RAPGEF6: variants seen among roughly 807,000 people sequenced by gnomAD.
The protein encoded by RAPGEF6 is Rap guanine nucleotide exchange factor 6, also known as PDZ domain containing guanine nucleotide exchange factor (GEF) 2.
A neutral mutation model predicts 171.4 loss-of-function variants in RAPGEF6; 56 were observed. That is an observed-to-expected ratio of 0.33 (90% CI 0.26 to 0.41). The LOEUF (loss-of-function observed/expected upper bound fraction) is 0.41, where lower values mean the gene tolerates loss of function less well. RAPGEF6 is among the 10% of genes least tolerant of loss of function. The pLI, the probability that RAPGEF6 is intolerant of heterozygous loss-of-function variation, is 1.00. For synonymous variants in RAPGEF6, 692 were observed against 650.1 expected, an observed-to-expected ratio of 1.06 and a Z score of -0.98; for missense variants, 1,674 against 1,921.4, an observed-to-expected ratio of 0.87 and a Z score of 2.41.
At chr5:131,617,279 T>TA (rs1213669727) in intron 1 of RAPGEF6, among the ~76,000 whole-genome samples, 5 of 123,422 alleles carry the variant, frequency 4.1e-5, no homozygotes, top group Non-Finnish European at 8.9e-5. Flanking sequence ...ACTTGGTCTC[T>TA]AAAAAAACAG....
chr5:131,620,582 C>CT (rs367997318), intron 1 of RAPGEF6, among the ~76,000 whole-genome samples: 2,831 of 149,170 alleles, frequency 0.019, 85 homozygotes, highest in African/African-American at 0.065. Context: ...AAAATCCATT[C>CT]TTTTTTTTTT....
intron 23 of RAPGEF6, among the ~76,000 whole-genome samples, chr5:131,441,369 T>G (rs1371648430): frequency 1.3e-5 from 2 of 152,242 alleles, no homozygotes; most frequent in East Asian, 3.8e-4. Flanking sequence ...CTGTCAACAC[T>G]GCATGCAATT....
intron 21 of RAPGEF6, chr5:131,447,153 G>T (rs1752773426): frequency 6.3e-6 from 1 of 158,442 alleles, no homozygotes; most frequent in Admixed American, 6.0e-5. Flanking sequence ...CTTTGGACAT[G>T]CTATTGCCAC....
At chr5:131,599,825 T>C (rs190092241) in intron 3 of RAPGEF6, among the ~76,000 whole-genome samples, 61 of 152,312 alleles carry the variant, frequency 4.0e-4, no homozygotes, top group Middle Eastern at 3.4e-3. Context: ...ACCAGGACCA[T>C]GAATATTTTC....
At chr5:131,532,992 T>G (rs1421149747) in intron 6 of RAPGEF6, 1 of 152,554 alleles carries the variant, frequency 6.6e-6, no homozygotes, top group Non-Finnish European at 1.5e-5. Flanking sequence ...AAGGAGAAGC[T>G]CCTATTGATT....
At chr5:131,491,583 CA>C (rs1756286989) in intron 14 of RAPGEF6, among the ~76,000 whole-genome samples, 1 of 152,192 alleles carries the variant, frequency 6.6e-6, no homozygotes, top group Non-Finnish European at 1.5e-5. Flanking sequence ...CTGGGCCACA[CA>C]GCAGGAGGTG....
intron 15 of RAPGEF6, among the ~76,000 whole-genome samples, chr5:131,487,639 A>C (rs990303274): frequency 6.6e-6 from 1 of 152,174 alleles, no homozygotes; most frequent in Non-Finnish European, 1.5e-5. Flanking sequence ...GTGTTTTTAC[A>C]GAGTGCTGAT....
intron 1 of RAPGEF6, among the ~76,000 whole-genome samples, chr5:131,615,618 C>T (rs544913287): frequency 2.0e-5 from 3 of 152,144 alleles, no homozygotes; most frequent in South Asian, 4.1e-4. Context: ...AGAGGGAAGT[C>T]GGCTGGGTAC....
At chr5:131,631,070 G>A (rs1488951046) in intron 1 of RAPGEF6, among the ~76,000 whole-genome samples, 1 of 152,034 alleles carries the variant, frequency 6.6e-6, no homozygotes, top group Non-Finnish European at 1.5e-5. Flanking sequence ...ACCTTATACT[G>A]ATCTCATGTC....
In RAPGEF6 at chr5:131,612,540, G is replaced by A. The variant is rs114874437; in HGVS notation, c.70-7847C>T. ...CAAGGAATGTCTGTACTACAAACAC[G>A]GCTGCCTGGGCCCCAACCACTGAGT... On this transcript the variant is annotated intron_variant, in intron 1 of 27. Coordinates refer to ENST00000509018, the MANE Select transcript of RAPGEF6 (RefSeq NM_016340.6). Among the ~76,000 whole-genome samples the A allele has an allele frequency of 7.2e-3, 1,095 of 152,140 alleles. 7 individuals carry two copies. Among genetic ancestry groups the A allele is most frequent in the African/African-American group, 0.024 (1,016 of 41,490 alleles).
At chr5:131,554,820 G>A (rs1272360721) in intron 5 of RAPGEF6, among the ~76,000 whole-genome samples, 1 of 151,942 alleles carries the variant, frequency 6.6e-6, no homozygotes, top group Non-Finnish European at 1.5e-5. Context: ...CCTGGCCTAA[G>A]TAGGAATTTA....
intron 6 of RAPGEF6, among the ~76,000 whole-genome samples, chr5:131,546,579 G>A (rs1316590037): frequency 6.6e-6 from 1 of 151,718 alleles, no homozygotes; most frequent in Non-Finnish European, 1.5e-5. Flanking sequence ...ACTCCAGCCT[G>A]GGCAAGAGAG....
In RAPGEF6 at chr5:131,523,279, C is replaced by CTTT. The variant is rs1171953953; in HGVS notation, c.496-1761_496-1759dup. 5.3e-3 allele frequency among the ~76,000 whole-genome samples: 353 copies of CTTT among 66,550 alleles called. 13 individuals carry two copies. Among genetic ancestry groups the CTTT allele is most frequent in the African/African-American group, 0.014 (198 of 14,188 alleles). The allele number at this position is 66,550 out of a possible 152,430, so 43.7% of individuals were successfully genotyped here. ...GGCCACATACAGTTTCTGTTGTATG[C>CTTT]TTTTTTTTTTTTTTTTTTTTTTTTT... is the stretch of plus-strand genomic sequence containing the variant. On this transcript the variant is annotated intron_variant, in intron 6 of 27. Transcript: ENST00000509018.
Position 131,434,382 on chromosome 5 carries a change from G to A in RAPGEF6, c.3746-724C>T, listed in dbSNP as rs551100656. 5.3e-5 allele frequency among the ~76,000 whole-genome samples: 8 copies of A among 152,108 alleles called. No homozygotes were observed. The East Asian group carries it at 9.7e-4, about 18-fold the overall frequency. The stretch of plus-strand genomic sequence containing the variant: ...CTCAGCCCCAAGTAGCTGGGACTAC[G>A]GTCTGCACCACCACACCCAGTTATT... On this transcript the variant is annotated intron_variant, in intron 24 of 27. Coordinates refer to ENST00000509018, the MANE Select transcript of RAPGEF6 (RefSeq NM_016340.6).
intron 5 of RAPGEF6, among the ~76,000 whole-genome samples, chr5:131,557,624 A>C (rs2149961886): frequency 6.6e-6 from 1 of 152,262 alleles, no homozygotes; most frequent in Non-Finnish European, 1.5e-5. Context: ...AAATGTTGGG[A>C]GAAAGTTTTC....
At chr5:131,542,014 T>C (rs1760187809) in intron 6 of RAPGEF6, among the ~76,000 whole-genome samples, 1 of 152,196 alleles carries the variant, frequency 6.6e-6, no homozygotes, top group South Asian at 2.1e-4. Flanking sequence ...ATACACATTT[T>C]GTAACTACTT....
At chr5:131,544,067 A>G (rs1446280539) in intron 6 of RAPGEF6, among the ~76,000 whole-genome samples, 2 of 152,184 alleles carry the variant, frequency 1.3e-5, no homozygotes, top group African/African-American at 4.8e-5. Context: ...AGTGTTGGTG[A>G]GGATGTGGAA....
chr5:131,461,669 C>A (rs1753944002), intron 19 of RAPGEF6, 36 bp downstream of exon 19: 2 of 1,540,348 alleles, frequency 1.3e-6, no homozygotes, highest in African/African-American at 2.7e-5. Context: ...AATGACAAAA[C>A]CATACAGACA....
intron 19 of RAPGEF6, among the ~76,000 whole-genome samples, chr5:131,461,459 GAA>G (rs1753929536): frequency 6.6e-6 from 1 of 151,726 alleles, no homozygotes; most frequent in Non-Finnish European, 1.5e-5. Context: ...TGAAGGGAGA[GAA>G]AGAAAAATTA....
Sources: gnomAD v4.1 joint callset for allele counts (sites outside exome capture counted in the v4.1 genomes callset) on GRCh38, gnomAD v4.1.1 for gene constraint, MANE v1.5 for transcripts, NCBI Gene and HGNC (gene_info 2026-07-23, HGNC 2026-07-21) for gene names.